Variants in MPPE1 observed in about 807,000 individuals in gnomAD.
MPPE1 encodes metallo phosphoesterase.
MPPE1 carries 28 observed loss-of-function variants against 43.8 expected under a neutral mutation model. The observed-to-expected ratio is 0.64, with a 90% CI of 0.47 to 0.88. MPPE1 has a LOEUF of 0.88. Among genes scored for constraint, MPPE1 ranks in the 40% least tolerant of loss-of-function variants. The pLI is 0.00. For synonymous variants in MPPE1, 159 were observed against 188.5 expected, an observed-to-expected ratio of 0.84 and a Z score of 1.28; for missense variants, 428 against 492.2, an observed-to-expected ratio of 0.87 and a Z score of 1.23.
Position 11,886,401 on chromosome 18 carries a change from G to A in MPPE1, c.867+98C>T. The stretch of plus-strand genomic sequence containing the variant: ...TGATAACTAAGTCATGAACGTTTCA[G>A]CAAACACCTGCTCTAGCCTGGGCAC... On this transcript the variant is annotated intron_variant, in intron 9 of 10. Transcript: ENST00000588072. The surrounding 1 kb of genome is among the most constrained non-coding windows in gnomAD (Gnocchi z 4.1). 1 of 1,564,536 alleles carries A rather than the reference G, an allele frequency of 6.4e-7. No homozygotes were observed. The highest frequency in any genetic ancestry group is 8.8e-7 in the Non-Finnish European group (1 of 1,140,836).
At chr18:11,885,023 G>T (rs1283086628) in intron 10 of MPPE1, 1 of 1,296,300 alleles carries the variant, frequency 7.7e-7, no homozygotes, top group African/African-American at 1.5e-5. Flanking sequence ...GCCCCTTGAT[G>T]CTCAACTAAG....
In MPPE1 at chr18:11,884,345, A is replaced by AG. The variant is rs1362266416; in HGVS notation, c.*99dup. On this transcript the variant is annotated 3_prime_UTR_variant, in exon 11 of 11. Coordinates refer to ENST00000588072, the MANE Select transcript of MPPE1 (RefSeq NM_023075.6). ...TTGAGAATTTCTGTGCTGTGCAGAG[A>AG]GACGGCCTGTAATTGGTCTCATCAT... The AG allele has an allele frequency of 9.0e-7, 1 of 1,105,526 alleles. No individual in the cohort carries two copies. Among genetic ancestry groups the AG allele is most frequent in the African/African-American group, 1.6e-5 (1 of 64,292 alleles). 68.5% of individuals were successfully genotyped at this position (1,105,526 alleles called of 1,614,324 possible).
intron 2 of MPPE1, among the ~76,000 whole-genome samples, chr18:11,902,053 A>T (rs1244848969): frequency 6.6e-6 from 1 of 152,234 alleles, no homozygotes; most frequent in Non-Finnish European, 1.5e-5. Context: ...TCTCTAAGGC[A>T]AACCACACAT....
Position 11,896,937 on chromosome 18 carries a change from C to T in MPPE1, c.281+47G>A, listed in dbSNP as rs145902967. On this transcript the variant is annotated intron_variant, in intron 3 of 10. Transcript: ENST00000588072. ...CTTGCCTATGAGGAGAGGGCTATAC[C>T]GTTTTGCCTACAGAATTTTAGAAAG... 122 of 1,556,102 alleles carry T rather than the reference C, an allele frequency of 7.8e-5. No homozygotes were observed. In the East Asian group the frequency reaches 2.7e-3, roughly 34 times the overall value.
intron 2 of MPPE1, among the ~76,000 whole-genome samples, chr18:11,903,171 C>A (rs1312710739): frequency 6.6e-6 from 1 of 152,112 alleles, no homozygotes; most frequent in Non-Finnish European, 1.5e-5. Context: ...TAAAAACGAT[C>A]ATTTAGCAGC....
intron 6 of MPPE1, among the ~76,000 whole-genome samples, chr18:11,887,558 G>C (rs2037477969): frequency 6.6e-6 from 1 of 152,180 alleles, no homozygotes; most frequent in African/African-American, 2.4e-5. Context: ...GTGCCGGTTA[G>C]AGCTAACTGG....
chr18:11,887,235 C>T (rs675581), intron 6 of MPPE1, among the ~76,000 whole-genome samples: 3,828 of 152,236 alleles, frequency 0.025, 174 homozygotes, highest in African/African-American at 0.086. Flanking sequence ...AAGACACGAT[C>T]GAAGGGTTTT....
Position 11,893,489 on chromosome 18 carries a change from T to C in MPPE1, c.369A>G (p.Glu123=), listed in dbSNP as rs1469358807. 1.9e-6 allele frequency: 3 copies of C among 1,613,686 alleles called. No individual in the cohort carries two copies. Among genetic ancestry groups the C allele is most frequent in the Non-Finnish European group, 2.5e-6 (3 of 1,179,946 alleles). ...VVFILGDIFD[E]GKWSTPEAWA... is the part of the protein sequence containing the mutation. ...CTACCTCAGGGGTGCTCCACTTCCC[T>C]TCATCAAAGATATCCCCCAGGATGA... Residue 123 remains glutamate, a synonymous_variant, in exon 4 of 11, where the codon GAA becomes GAG. Transcript: ENST00000588072.
Position 11,892,525 on chromosome 18 carries a change from C to T in MPPE1, c.390+943G>A, listed in dbSNP as rs540486539. On this transcript the variant is annotated intron_variant, in intron 4 of 10. Coordinates refer to ENST00000588072, the MANE Select transcript of MPPE1 (RefSeq NM_023075.6). Reference sequence around the variant, plus strand: ...TCCCTACTAAAAATACAAAATTAGCCGGGCGTGGTGACACAGGAAATGCCT... The same window carrying T: ...TCCCTACTAAAAATACAAAATTAGCTGGGCGTGGTGACACAGGAAATGCCT... Among the ~76,000 whole-genome samples, 5 of 151,720 alleles carry T rather than the reference C, an allele frequency of 3.3e-5. No homozygotes were observed. The South Asian group carries it at 8.3e-4, about 25-fold the overall frequency.
chr18:11,885,984 T>G, intron 9 of MPPE1, 168 bp from the exon 10 acceptor site: 1 of 590,788 alleles, frequency 1.7e-6, no homozygotes, highest in Non-Finnish European at 2.6e-6. Flanking sequence ...TTTGGTTTAT[T>G]TACACTAAAT....
intron 4 of MPPE1, among the ~76,000 whole-genome samples, chr18:11,892,362 A>G (rs1201486823): frequency 7.9e-6 from 1 of 126,778 alleles, no homozygotes; most frequent in Non-Finnish European, 1.7e-5. Flanking sequence ...AAAGAAAAAA[A>G]AAAAAAAAAG....
chr18:11,906,098 C>T (rs578220359), intron 2 of MPPE1, 105 bp downstream of exon 2: 1 of 152,306 alleles, frequency 6.6e-6, no homozygotes, highest in East Asian at 1.9e-4. Flanking sequence ...CAGTGTACAG[C>T]TTCCACAAGA....
At chr18:11,888,641 C>A in intron 6 of MPPE1, 28 bp downstream of exon 6, 1 of 1,450,010 alleles carries the variant, frequency 6.9e-7, no homozygotes, top group South Asian at 1.2e-5. Flanking sequence ...GACTAAAGGT[C>A]TTGGAAGAAT....
Position 11,886,812 on chromosome 18 carries a change from A to G in MPPE1, c.679-34T>C, listed in dbSNP as rs2037338778. On this transcript the variant is annotated intron_variant, in intron 7 of 10. Transcript: ENST00000588072. The surrounding 1 kb of genome is among the most constrained non-coding windows in gnomAD (Gnocchi z 4.1). ...TACAAGTCAGGCCATTAATCCGCAC[A>G]CCTGACCCTCATCAAAGGGCAAGAA... 6.2e-7 allele frequency: 1 copy of G among 1,604,270 alleles called. No individual in the cohort carries two copies. Among genetic ancestry groups the G allele is most frequent in the East Asian group, 2.2e-5 (1 of 44,668 alleles).
At chr18:11,900,938 A>T (rs1411889557) in intron 2 of MPPE1, among the ~76,000 whole-genome samples, 2 of 151,932 alleles carry the variant, frequency 1.3e-5, no homozygotes, top group African/African-American at 2.4e-5. Flanking sequence ...AGAGAAAAAG[A>T]AAAATAAATA....
At chr18:11,905,333 A>C (rs28379373) in intron 2 of MPPE1, 13 of 152,328 alleles carry the variant, frequency 8.5e-5, no homozygotes, top group African/African-American at 2.7e-4. Flanking sequence ...ACAAAAAAAA[A>C]CAACAAAAAA....
In MPPE1 at chr18:11,886,884, G is replaced by C. The variant is rs2037357373; in HGVS notation, c.678+33C>G. The C allele has an allele frequency of 6.3e-7, 1 of 1,599,690 alleles. No individual in the cohort carries two copies. The highest frequency in any genetic ancestry group is 1.3e-5 in the African/African-American group (1 of 74,656). On this transcript the variant is annotated intron_variant, in intron 7 of 10. Coordinates refer to ENST00000588072, the MANE Select transcript of MPPE1 (RefSeq NM_023075.6). This position sits in a 1 kb window ranked among gnomAD's most constrained non-coding sequence, Gnocchi z 4.1. ...AACCGAAGCGGAGCAACACGGGACA[G>C]AAGGCACCTGTGGCATTCAGATGCT...
chr18:11,889,818 C>T (rs907841706), intron 4 of MPPE1, among the ~76,000 whole-genome samples: 4 of 151,954 alleles, frequency 2.6e-5, no homozygotes, highest in South Asian at 2.1e-4. Flanking sequence ...GTGATCCGCC[C>T]GCCTCAGCCT....
intron 2 of MPPE1, among the ~76,000 whole-genome samples, chr18:11,899,365 A>C (rs2038911516): frequency 6.6e-6 from 1 of 152,252 alleles, no homozygotes; most frequent in Non-Finnish European, 1.5e-5. Context: ...ATGTTTTCAC[A>C]AAAATGGGTT....
Sources: gnomAD v4.1 joint callset for allele counts (sites outside exome capture counted in the v4.1 genomes callset) on GRCh38, gnomAD v4.1.1 for gene constraint, Gnocchi (gnomAD v3.1) non-coding constraint, MANE v1.5 for transcripts, NCBI Gene and HGNC (gene_info 2026-07-23, HGNC 2026-07-21) for gene names.